The following CDYL variants were observed in gnomAD, a reference collection of about 807,000 sequenced individuals.
CDYL encodes chromodomain Y-like protein.
In CDYL, 8 loss-of-function variants were observed where a neutral mutation model predicts 47.3. That is an observed-to-expected ratio of 0.17 (90% CI 0.10 to 0.31). The LOEUF is 0.31. Ranked by LOEUF, CDYL falls within the 10% of genes least tolerant of loss-of-function variation. The pLI is 1.00. For missense variants in CDYL, 471 were observed against 701.4 expected, an observed-to-expected ratio of 0.67 and a Z score of 3.71; for synonymous variants, 266 against 265.0, an observed-to-expected ratio of 1.00 and a Z score of -0.04.
chr6:4,737,173 A>T (rs916236774), intron 3 of CDYL, among the ~76,000 whole-genome samples: 1 of 152,218 alleles, frequency 6.6e-6, no homozygotes, highest in African/African-American at 2.4e-5. Flanking sequence ...TGTAAAGACA[A>T]CTTTAAAAGT....
chr6:4,789,076 T>TTTTG (rs200888937), intron 1 of CDYL, among the ~76,000 whole-genome samples: 2,627 of 152,116 alleles, frequency 0.017, 27 homozygotes, highest in Middle Eastern at 0.031. Context: ...TTTTCGTGTT[T>TTTTG]TTTGTTTGTT....
chr6:4,812,237 CTGTG>C (rs1402732406), intron 1 of CDYL, among the ~76,000 whole-genome samples: 1 of 152,216 alleles, frequency 6.6e-6, no homozygotes. Context: ...AAAGATCACT[CTGTG>C]TGGTGTGTGT....
chr6:4,926,769 G>A (rs868828316), intron 2 of CDYL, among the ~76,000 whole-genome samples: 2 of 152,144 alleles, frequency 1.3e-5, no homozygotes, highest in African/African-American at 4.8e-5. Context: ...AACTCACATG[G>A]AAACATTGTT....
chr6:4,832,058 A>G (rs866512234), intron 1 of CDYL, among the ~76,000 whole-genome samples: 12 of 151,430 alleles, frequency 7.9e-5, no homozygotes, highest in Middle Eastern at 3.4e-3. Context: ...CTAATTGAAT[A>G]CCCTTTATTT....
intron 1 of CDYL, among the ~76,000 whole-genome samples, chr6:4,848,274 C>T (rs935933557): frequency 6.6e-6 from 1 of 152,138 alleles, no homozygotes; most frequent in Non-Finnish European, 1.5e-5. Flanking sequence ...TGAGTGAACT[C>T]ATGGTAACAT....
intron 3 of CDYL, among the ~76,000 whole-genome samples, chr6:4,742,325 C>T (rs1277798845): frequency 2.7e-5 from 4 of 146,020 alleles, no homozygotes; most frequent in African/African-American, 1.0e-4. Flanking sequence ...GCCAAGATTG[C>T]ACCACTGCAC....
chr6:4,875,049 A>G (rs1761582037), intron 1 of CDYL, among the ~76,000 whole-genome samples: 2 of 152,124 alleles, frequency 1.3e-5, no homozygotes, highest in Non-Finnish European at 2.9e-5. Context: ...TTCTTTTGGC[A>G]AAAATACCTA....
At position 4,745,231 on chromosome 6, in the gene CDYL, A is replaced by G. The variant is rs560060011; in HGVS notation, c.186+10387A>G. 8.5e-5 allele frequency among the ~76,000 whole-genome samples: 13 copies of G among 152,322 alleles called. No individual in the cohort carries two copies. The East Asian group carries it at 2.5e-3, about 29-fold the overall frequency. On this transcript the variant is annotated intron_variant, in intron 3 of 8. Transcript: ENST00000328908. Reference sequence around the variant, plus strand: ...AGGCTCAGCCTCCCAAAGTGCTGGCATGACAGGCCTGAGCCACCTCGCCTG... The same window carrying G: ...AGGCTCAGCCTCCCAAAGTGCTGGCGTGACAGGCCTGAGCCACCTCGCCTG...
chr6:4,710,379 G>GGTAAGGAAGGAA (rs1757128696), intron 1 of CDYL, among the ~76,000 whole-genome samples: 1 of 101,164 alleles, frequency 9.9e-6, no homozygotes, highest in Non-Finnish European at 2.1e-5. Context: ...GAGGGAGGGA[G>GGTAAGGAAGGAA]GGAAGGAAGG....
intron 3 of CDYL, among the ~76,000 whole-genome samples, chr6:4,748,500 T>C (rs774931346): frequency 2.6e-5 from 4 of 151,900 alleles, no homozygotes; most frequent in Non-Finnish European, 5.9e-5. Flanking sequence ...AGACTTGGAA[T>C]AGGAGCAAAA....
At chr6:4,791,477 G>A (rs1758914930) in intron 1 of CDYL, among the ~76,000 whole-genome samples, 1 of 152,178 alleles carries the variant, frequency 6.6e-6, no homozygotes, top group African/African-American at 2.4e-5. Context: ...TCAAAAAACT[G>A]TGTTGGAGGG....
chr6:4,834,299 T>G (rs1760229639), intron 1 of CDYL, among the ~76,000 whole-genome samples: 1 of 151,406 alleles, frequency 6.6e-6, no homozygotes, highest in Admixed American at 6.6e-5. Context: ...CATTTGCTTG[T>G]CTGTAAAGTA....
Position 4,899,862 on chromosome 6 carries a change from C to T in CDYL, c.691+7483C>T, listed in dbSNP as rs138556938. Among the ~76,000 whole-genome samples the T allele has an allele frequency of 7.9e-5, 12 of 152,278 alleles. No individual in the cohort carries two copies. The East Asian group carries it at 1.7e-3, about 22-fold the overall frequency. On this transcript the variant is annotated intron_variant, in intron 2 of 6. Coordinates refer to ENST00000397588, the MANE Select transcript of CDYL (RefSeq NM_004824.4). ...GTCACGTGTGAGCTGTGTGGAGTCC[C>T]GTGACCATCTCACTCTGGATAGGGA...
At chr6:4,903,395 A>G (rs1424104343) in intron 2 of CDYL, among the ~76,000 whole-genome samples, 5 of 152,232 alleles carry the variant, frequency 3.3e-5, no homozygotes, top group African/African-American at 1.2e-4. Context: ...GTAGGCGGCC[A>G]CTAAACTGTG....
chr6:4,791,925 C>A (rs1022707401), intron 1 of CDYL, among the ~76,000 whole-genome samples: 1 of 150,456 alleles, frequency 6.6e-6, no homozygotes, highest in African/African-American at 2.4e-5. Flanking sequence ...CTCTGTTGCC[C>A]AGGCTGGAGT....
In CDYL at chr6:4,715,600, A is replaced by T. The variant is rs78602353; in HGVS notation, c.-38-141A>T. 467 of 705,508 alleles carry T rather than the reference A, an allele frequency of 6.6e-4. No individual in the cohort carries two copies. The African/African-American group carries it at 7.7e-3, about 12-fold the overall frequency. The allele number at this position is 705,508 out of a possible 1,614,324, so 43.7% of individuals were successfully genotyped here. A position where few individuals can be genotyped will look rare whatever the true frequency, so the allele number is the denominator to read the frequency against. ...TTTGATGCACTGCTTACTGACATTT[A>T]TTGCTTCCTCTGCACAAGCACAAAA... On this transcript the variant is annotated intron_variant, in intron 1 of 8. Coordinates refer to the CDYL transcript ENST00000328908.
At chr6:4,899,444 C>A (rs573126935) in intron 2 of CDYL, among the ~76,000 whole-genome samples, 1 of 152,096 alleles carries the variant, frequency 6.6e-6, no homozygotes, top group African/African-American at 2.4e-5. Flanking sequence ...TGATAAATTG[C>A]GGAGAAGTTC....
intron 1 of CDYL, among the ~76,000 whole-genome samples, chr6:4,840,836 A>AT (rs1209626791): frequency 6.6e-6 from 1 of 151,502 alleles, no homozygotes; most frequent in African/African-American, 2.4e-5. Flanking sequence ...TTCATCAGCG[A>AT]TTTTTTTGTT....
At chr6:4,900,807 A>ATCTATATC (rs1561697619) in intron 2 of CDYL, among the ~76,000 whole-genome samples, 26 of 87,912 alleles carry the variant, frequency 3.0e-4, no homozygotes, top group African/African-American at 1.2e-3. Flanking sequence ...ATATATATAT[A>ATCTATATC]TATATATATA....
Sources: allele counts gnomAD v4.1 joint callset (sites outside exome capture counted in the v4.1 genomes callset), GRCh38; gene constraint gnomAD v4.1.1; transcripts MANE v1.5; gene names NCBI Gene and HGNC (gene_info 2026-07-23, HGNC 2026-07-21).